The following BICC1 variants were observed in gnomAD, a reference collection of about 807,000 sequenced individuals.
BICC1 encodes protein bicaudal C homolog 1.
BICC1 carries 43 observed loss-of-function variants against 111.0 expected under a neutral mutation model. That is an observed-to-expected ratio of 0.39 (90% CI 0.30 to 0.50). The LOEUF (loss-of-function observed/expected upper bound fraction) is 0.50. Among genes scored for constraint, BICC1 ranks in the 20% least tolerant of loss-of-function variants. The probability of loss-of-function intolerance (pLI) is 0.88; values close to 1 mark genes in which losing one functional copy is unlikely to be tolerated. For missense variants in BICC1, 1,091 were observed against 1,203.2 expected (o/e 0.91, Z 1.38); for synonymous variants, 467 against 434.4 (o/e 1.07, Z -0.93).
intron 16 of BICC1, 75 bp from the exon 17 acceptor site, chr10:58,806,929 C>T (rs1843726537): frequency 9.0e-6 from 12 of 1,335,612 alleles, no homozygotes; most frequent in African/African-American, 2.9e-5. Flanking sequence ...ATCAAAGAAA[C>T]GACACTTATC....
intron 1 of BICC1, among the ~76,000 whole-genome samples, chr10:58,619,993 T>A (rs1313750396): frequency 6.6e-6 from 1 of 152,208 alleles, no homozygotes; most frequent in Non-Finnish European, 1.5e-5. Flanking sequence ...AGTACCTTTC[T>A]TTGTCCTGGC....
At chr10:58,518,380 C>T (rs12264028) in intron 1 of BICC1, among the ~76,000 whole-genome samples, 81,995 of 151,766 alleles carry the variant, frequency 0.54, 23,205 homozygotes, top group African/African-American at 0.71. Context: ...TCCTACTTTA[C>T]GGTGATATTG....
chr10:58,543,977 T>C (rs1843067461), intron 1 of BICC1, among the ~76,000 whole-genome samples: 1 of 152,080 alleles, frequency 6.6e-6, no homozygotes, highest in Non-Finnish European at 1.5e-5. Context: ...AGAGCAAGTG[T>C]CAGTTATGAC....
intron 3 of BICC1, among the ~76,000 whole-genome samples, chr10:58,780,633 G>A (rs891670097): frequency 2.6e-5 from 4 of 152,100 alleles, no homozygotes; most frequent in Non-Finnish European, 4.4e-5. Context: ...GGAGGTTTAG[G>A]GGCCTGAAGG....
At chr10:58,758,684 C>A (rs935629785) in intron 3 of BICC1, among the ~76,000 whole-genome samples, 2 of 152,128 alleles carry the variant, frequency 1.3e-5, no homozygotes, top group African/African-American at 4.8e-5. Flanking sequence ...TTCTCATCAT[C>A]GGTAAGTCTA....
chr10:58,788,372 A>G lies in BICC1; in HGVS notation c.549A>G (p.Val183=), dbSNP rs141141471. 65 of 1,607,372 alleles carry G rather than the reference A, an allele frequency of 4.0e-5. No individual in the cohort carries two copies. The East Asian group carries it at 4.9e-4, about 12-fold the overall frequency. Reference sequence around the variant, plus strand: ...TTTGTATTTTCCTCCTCTTATAGGTATCTATAGCGGGACAACCAGCAGGAG... The same window carrying G: ...TTTGTATTTTCCTCCTCTTATAGGTGTCTATAGCGGGACAACCAGCAGGAG... ...RNNQAEKSNQ[V]SIAGQPAGVE... The change falls in exon 6 of 21, where the codon GTA becomes GTG. Residue 183 remains valine (V), a splice_region_variant and synonymous_variant. Transcript: ENST00000373886.
At chr10:58,736,223 A>G (rs1841461927) in intron 3 of BICC1, among the ~76,000 whole-genome samples, 2 of 152,168 alleles carry the variant, frequency 1.3e-5, no homozygotes, top group African/African-American at 4.8e-5. Flanking sequence ...GTAAATCTGC[A>G]TATTATCATT....
At chr10:58,605,999 T>C (rs1271365025) in intron 1 of BICC1, among the ~76,000 whole-genome samples, 1 of 152,228 alleles carries the variant, frequency 6.6e-6, no homozygotes, top group Non-Finnish European at 1.5e-5. Flanking sequence ...TTCTACACTG[T>C]CTAATGCTCT....
intron 3 of BICC1, among the ~76,000 whole-genome samples, chr10:58,780,712 C>T (rs1842860984): frequency 1.3e-5 from 2 of 151,926 alleles, no homozygotes; most frequent in African/African-American, 4.8e-5. Context: ...GGATGGAAAA[C>T]CACAGAGTAG....
intron 2 of BICC1, among the ~76,000 whole-genome samples, chr10:58,690,417 T>C (rs1589026077): frequency 6.6e-6 from 1 of 152,202 alleles, no homozygotes; most frequent in African/African-American, 2.4e-5. Context: ...AATGGAAGGA[T>C]CTCTGTTAGT....
intron 1 of BICC1, among the ~76,000 whole-genome samples, chr10:58,615,800 G>A (rs905386625): frequency 1.4e-4 from 22 of 152,296 alleles, no homozygotes; most frequent in Admixed American, 1.2e-3. Flanking sequence ...CAGCTGTACT[G>A]CTTAATGGGC....
chr10:58,726,243 A>C (rs1841100501), intron 3 of BICC1, among the ~76,000 whole-genome samples: 1 of 152,198 alleles, frequency 6.6e-6, no homozygotes, highest in Non-Finnish European at 1.5e-5. Context: ...TTAATCATTT[A>C]ACCAGTTTTA....
intron 1 of BICC1, among the ~76,000 whole-genome samples, chr10:58,579,056 C>T (rs1438758397): frequency 6.6e-6 from 1 of 152,008 alleles, no homozygotes; most frequent in East Asian, 1.9e-4. Flanking sequence ...AGACTTGTGC[C>T]CTGTTGAGAA....
chr10:58,820,363 C>A lies in BICC1; in HGVS notation c.2695-6C>A, dbSNP rs960199106. The A allele has an allele frequency of 6.9e-6, 11 of 1,600,588 alleles. No individual in the cohort carries two copies. The African/African-American group carries it at 8.1e-5, about 12-fold the overall frequency. On this transcript the variant is annotated splice_region_variant and splice_polypyrimidine_tract_variant and intron_variant, in intron 19 of 20. Transcript: ENST00000373886. The stretch of plus-strand genomic sequence containing the variant: ...ATTGGTTATAGATTGACCTTTCTAC[C>A]CACAGATCGATCTTCAGACATTCCT...
At chr10:58,648,792 C>A in intron 2 of BICC1, 1 of 430,848 alleles carries the variant, frequency 2.3e-6, no homozygotes, top group Non-Finnish European at 3.1e-6. Flanking sequence ...TCTTTCCTTT[C>A]TGCTTTTTCA....
chr10:58,683,296 T>C (rs1366297190), intron 2 of BICC1, among the ~76,000 whole-genome samples: 1 of 152,232 alleles, frequency 6.6e-6, no homozygotes, highest in Non-Finnish European at 1.5e-5. Flanking sequence ...CCTTGTAATA[T>C]AGTTTGAAGT....
chr10:58,672,032 G>A (rs1329060424), intron 2 of BICC1, among the ~76,000 whole-genome samples: 13 of 152,052 alleles, frequency 8.5e-5, no homozygotes, highest in Non-Finnish European at 1.6e-4. Context: ...CCTGTTCTGT[G>A]CAGTGTCTAA....
rs769727527 is a variant in BICC1 at position 58,817,548 on chromosome 10, C to T, written c.2534-14C>T. 1.9e-6 allele frequency: 3 copies of T among 1,613,222 alleles called. No individual in the cohort carries two copies. The highest frequency in any genetic ancestry group is 2.5e-6 in the Non-Finnish European group (3 of 1,179,450). ...GCATTTACACTTCAAGCCTGTCTCT[C>T]CTTTGCCTTTCAGCGGAACACTATC... is the stretch of plus-strand genomic sequence containing the variant. On this transcript the variant is annotated splice_polypyrimidine_tract_variant and intron_variant, in intron 18 of 20. Coordinates refer to ENST00000373886, the MANE Select transcript of BICC1 (RefSeq NM_001080512.3).
chr10:58,675,403 G>A (rs954273125), intron 2 of BICC1, among the ~76,000 whole-genome samples: 3 of 152,114 alleles, frequency 2.0e-5, no homozygotes, highest in Admixed American at 6.6e-5. Context: ...TAAAGAAATT[G>A]TGGTATATAT....
Sources: allele counts gnomAD v4.1 joint callset (sites outside exome capture counted in the v4.1 genomes callset), GRCh38; gene constraint gnomAD v4.1.1; transcripts MANE v1.5; gene names NCBI Gene and HGNC (gene_info 2026-07-23, HGNC 2026-07-21).